The following AFF2 variants were observed in gnomAD, a reference collection of about 807,000 sequenced individuals.
AFF2 encodes the protein AF4/FMR2 family member 2.
In AFF2, 14 loss-of-function variants were observed where a neutral mutation model predicts 76.9. That is an observed-to-expected ratio of 0.18 (90% CI 0.12 to 0.28). The LOEUF (loss-of-function observed/expected upper bound fraction) is 0.28, where lower values mean the gene tolerates loss of function less well. AFF2 is among the 10% of genes least tolerant of loss of function. AFF2 has a pLI of 1.00. For synonymous variants in AFF2, 398 were observed against 366.7 expected (o/e 1.09, Z -0.98); for missense variants, 868 against 1,001.1 (o/e 0.87, Z 1.79).
intron 3 of AFF2, among the ~76,000 whole-genome samples, chrX:148,806,160 C>G (rs996777804): frequency 8.9e-6 from 1 of 112,577 alleles, no homozygotes; most frequent in Non-Finnish European, 1.9e-5. Context: ...CACACCTGTC[C>G]GAGTAACTCC....
intron 9 of AFF2, among the ~76,000 whole-genome samples, chrX:148,943,772 A>T (rs2071868330): frequency 8.9e-6 from 1 of 112,003 alleles, no homozygotes; most frequent in African/African-American, 3.2e-5. Context: ...ATTTATAGAG[A>T]AGACTTCTTT....
intron 15 of AFF2, 144 bp from the exon 16 acceptor site, chrX:148,973,327 G>T: frequency 2.8e-6 from 2 of 716,965 alleles, no homozygotes; most frequent in Admixed American, 2.6e-5. Flanking sequence ...CCTCTCCCCA[G>T]GGGTGACAAC....
At chrX:148,589,261 C>A (rs185752486) in intron 1 of AFF2, among the ~76,000 whole-genome samples, 11 of 111,648 alleles carry the variant, frequency 9.9e-5, no homozygotes, top group African/African-American at 3.3e-4. Flanking sequence ...GTACCTTTCA[C>A]ACTCTGATAA....
intron 1 of AFF2, among the ~76,000 whole-genome samples, chrX:148,627,931 G>T: frequency 8.9e-6 from 1 of 112,091 alleles, no homozygotes; most frequent in East Asian, 2.8e-4. Context: ...GGTGTCTTTT[G>T]TGTAGAGCAC....
At chrX:148,970,673 A>G (rs2124395118) in intron 15 of AFF2, among the ~76,000 whole-genome samples, 1 of 112,131 alleles carries the variant, frequency 8.9e-6, no homozygotes, top group South Asian at 3.7e-4. Flanking sequence ...CCAAACTAAA[A>G]TATTTAGTAG....
In AFF2 at chrX:149,000,135, G is replaced by A. The variant is rs782676898; in HGVS notation, c.*8803G>A. On this transcript the variant is annotated 3_prime_UTR_variant, in exon 21 of 21. Transcript: ENST00000370460. The stretch of plus-strand genomic sequence containing the variant: ...CCTTTCCCCAAGGGCACCCCAGGTG[G>A]CCATTAAATTGTGATGATCATTCAG... 5.4e-5 allele frequency: 6 copies of A among 112,128 alleles called. No individual in the cohort carries two copies. Among genetic ancestry groups the A allele is most frequent in the Admixed American group, 3.8e-4 (4 of 10,630 alleles). The allele number at this position is 112,128 out of a possible 1,213,427, so 9.2% of individuals were successfully genotyped here.
chrX:148,632,044 T>C (rs941367631), intron 1 of AFF2, among the ~76,000 whole-genome samples: 8 of 112,178 alleles, frequency 7.1e-5, no homozygotes, highest in African/African-American at 2.6e-4. Flanking sequence ...GCAGCCATCA[T>C]TTTGGATTTC....
intron 1 of AFF2, among the ~76,000 whole-genome samples, chrX:148,584,956 A>G (rs781858388): frequency 9.0e-6 from 1 of 111,462 alleles, no homozygotes. Context: ...GGAGAAACCA[A>G]CCAAACATAT....
intron 7 of AFF2, among the ~76,000 whole-genome samples, chrX:148,880,611 A>T (rs1054675965): frequency 9.8e-5 from 11 of 111,860 alleles, no homozygotes; most frequent in African/African-American, 3.6e-4. Context: ...TCTGATTGCC[A>T]TGAACTCTGG....
intron 9 of AFF2, among the ~76,000 whole-genome samples, chrX:148,913,397 G>T (rs1235077888): frequency 1.8e-5 from 2 of 112,403 alleles, no homozygotes; most frequent in East Asian, 2.8e-4. Flanking sequence ...CATCAGATTT[G>T]CAGGTTCTTT....
chrX:148,974,141 A>G (rs1331219974), intron 16 of AFF2, among the ~76,000 whole-genome samples: 4 of 110,325 alleles, frequency 3.6e-5, no homozygotes, highest in African/African-American at 9.9e-5. Flanking sequence ...AGATGAGAGG[A>G]TGAGAATAAG....
chrX:148,901,793 A>G (rs1275004415), intron 8 of AFF2, among the ~76,000 whole-genome samples: 3 of 112,258 alleles, frequency 2.7e-5, no homozygotes, highest in African/African-American at 9.7e-5. Flanking sequence ...AAAGCATAGT[A>G]ACACATTGCG....
chrX:148,601,100 T>C (rs2053622091), intron 1 of AFF2, among the ~76,000 whole-genome samples: 1 of 112,928 alleles, frequency 8.9e-6, no homozygotes, highest in African/African-American at 3.2e-5. Flanking sequence ...CATTTCTTTT[T>C]CTTTCCTTGT....
At chrX:148,962,990 G>A in intron 13 of AFF2, 53 bp downstream of exon 13, 1 of 886,856 alleles carries the variant, frequency 1.1e-6, no homozygotes, top group East Asian at 3.2e-5. Context: ...AAGTTAACCA[G>A]CTCATCTAAC....
intron 3 of AFF2, among the ~76,000 whole-genome samples, chrX:148,776,651 GTCT>G (rs1365089321): frequency 1.8e-5 from 2 of 111,942 alleles, no homozygotes; most frequent in Non-Finnish European, 3.8e-5. Context: ...CTGCATAAAG[GTCT>G]TCTTCTGAAA....
chrX:148,652,803 G>A (rs1289282819), intron 2 of AFF2, among the ~76,000 whole-genome samples: 1 of 111,654 alleles, frequency 9.0e-6, no homozygotes, highest in East Asian at 2.8e-4. Context: ...CTTTCTATTT[G>A]GGGTAGAGAT....
At chrX:148,927,333 A>C in intron 9 of AFF2, among the ~76,000 whole-genome samples, 1 of 111,707 alleles carries the variant, frequency 9.0e-6, no homozygotes, top group Non-Finnish European at 1.9e-5. Context: ...TTCTTTTCTT[A>C]TTTAAACAAA....
At position 148,953,930 on chromosome X, in the gene AFF2, C is replaced by T. The variant is rs782717315; in HGVS notation, c.1557+191C>T. On this transcript the variant is annotated intron_variant, in intron 10 of 20. Transcript: ENST00000370460. ...AGCACTTTTAAAAAGCATATATTCA[C>T]ATACTCCTAACATGCATACATTTTT... is the stretch of plus-strand genomic sequence containing the variant. Among the ~76,000 whole-genome samples the T allele has an allele frequency of 6.2e-5, 7 of 112,609 alleles. No homozygotes were observed. The South Asian group carries it at 1.8e-3, about 30-fold the overall frequency.
Position 148,846,987 on chromosome X carries a change from G to A in AFF2, c.1262+3554G>A, listed in dbSNP as rs189539636. On this transcript the variant is annotated intron_variant, in intron 7 of 20. Coordinates refer to ENST00000370460, the MANE Select transcript of AFF2 (RefSeq NM_002025.4). ...AGGATCTCGGCTCACTGCAAGCTCC[G>A]CCTCCCGGGTTCACGCCATTCTCCT... 9.2e-3 allele frequency among the ~76,000 whole-genome samples: 1,022 copies of A among 111,053 alleles called. 4 individuals carry two copies. The highest frequency in any genetic ancestry group is 0.013 in the Non-Finnish European group (693 of 52,919).
Sources: allele counts gnomAD v4.1 joint callset (sites outside exome capture counted in the v4.1 genomes callset), GRCh38; gene constraint gnomAD v4.1.1; transcripts MANE v1.5; gene names NCBI Gene and HGNC (gene_info 2026-07-23, HGNC 2026-07-21).